The following LRRC4C variants were observed in gnomAD, a reference collection of about 807,000 sequenced individuals.
LRRC4C encodes the protein leucine rich repeat containing 4C.
In LRRC4C, 5 loss-of-function variants were observed where a neutral mutation model predicts 33.6. The ratio of observed to expected loss-of-function variants is 0.15; its 90% CI spans 0.08 to 0.31. LRRC4C has a LOEUF of 0.31. Ranked by LOEUF, LRRC4C falls within the 10% of genes least tolerant of loss-of-function variation. The pLI is 1.00. For synonymous variants in LRRC4C, 329 were observed against 302.0 expected (o/e 1.09, Z -0.93); for missense variants, 560 against 796.7 (o/e 0.70, Z 3.58).
intron 1 of LRRC4C, among the ~76,000 whole-genome samples, chr11:41,242,406 C>T (rs1332561835): frequency 6.6e-6 from 1 of 152,062 alleles, no homozygotes; most frequent in Non-Finnish European, 1.5e-5. Flanking sequence ...TACAGGCATG[C>T]AGTGGGTCAG....
At chr11:41,188,471 GCTTAATCTCTTA>G (rs1423372627) in intron 1 of LRRC4C, among the ~76,000 whole-genome samples, 1 of 151,988 alleles carries the variant, frequency 6.6e-6, no homozygotes, top group African/African-American at 2.4e-5. Context: ...GCCAATCCCA[GCTTAATCTCTTA>G]CTGGCTATGT....
At position 40,396,293 on chromosome 11, in the gene LRRC4C, C is replaced by A. The variant is rs77182317; in HGVS notation, c.-269-76572G>T. On this transcript the variant is annotated intron_variant, in intron 3 of 6. Coordinates refer to ENST00000528697, the MANE Select transcript of LRRC4C (RefSeq NM_001258419.2). ...TCTAGACACCTTGGTTTTAAAATATCTGACTGGTTCAACAGTGCACAGTCA... is the reference window on the plus strand; with the variant it reads ...TCTAGACACCTTGGTTTTAAAATATATGACTGGTTCAACAGTGCACAGTCA... Among the ~76,000 whole-genome samples the A allele has an allele frequency of 8.7e-4, 133 of 152,064 alleles. 6 individuals are homozygous for A. In the East Asian group the frequency reaches 0.025, roughly 29 times the overall value.
chr11:41,091,100 G>A (rs1331025019), intron 1 of LRRC4C, among the ~76,000 whole-genome samples: 1 of 151,990 alleles, frequency 6.6e-6, no homozygotes, highest in Admixed American at 6.6e-5. Flanking sequence ...TTAGACCAGA[G>A]ATGTAATACT....
chr11:40,124,208 A>C (rs945998393), intron 6 of LRRC4C, among the ~76,000 whole-genome samples: 4 of 152,178 alleles, frequency 2.6e-5, no homozygotes, highest in African/African-American at 9.6e-5. Context: ...AACTCTCAAA[A>C]TGTAAATTAG....
intron 4 of LRRC4C, among the ~76,000 whole-genome samples, chr11:40,268,153 A>G (rs1159684270): frequency 6.6e-6 from 1 of 152,186 alleles, no homozygotes; most frequent in African/African-American, 2.4e-5. Flanking sequence ...AGTGTGGTGG[A>G]GTTGTTCTCT....
intron 4 of LRRC4C, among the ~76,000 whole-genome samples, chr11:40,301,083 G>C (rs1944752318): frequency 6.6e-6 from 1 of 152,172 alleles, no homozygotes. Flanking sequence ...GCTTGGGAAG[G>C]AAGGGCATTG....
At chr11:40,673,490 A>T (rs1287167020) in intron 2 of LRRC4C, among the ~76,000 whole-genome samples, 4 of 152,168 alleles carry the variant, frequency 2.6e-5, no homozygotes. Context: ...TAATCCTTTA[A>T]TTTTTTTAAC....
chr11:41,423,045 G>A (rs547139073), intron 1 of LRRC4C, among the ~76,000 whole-genome samples: 84 of 152,194 alleles, frequency 5.5e-4, no homozygotes, highest in Non-Finnish European at 1.0e-3. Flanking sequence ...TACAAATAAT[G>A]ACAACATGTC....
intron 5 of LRRC4C, among the ~76,000 whole-genome samples, chr11:40,165,276 C>A (rs1042426779): frequency 6.6e-6 from 1 of 151,958 alleles, no homozygotes; most frequent in Non-Finnish European, 1.5e-5. Flanking sequence ...GTTTCTATGT[C>A]TCTGTGTATC....
At chr11:41,392,318 A>C (rs2138012512) in intron 1 of LRRC4C, among the ~76,000 whole-genome samples, 1 of 151,954 alleles carries the variant, frequency 6.6e-6, no homozygotes, top group East Asian at 1.9e-4. Flanking sequence ...ACTGTAGATT[A>C]ACTGTTTTTG....
intron 1 of LRRC4C, among the ~76,000 whole-genome samples, chr11:41,106,644 T>A (rs886315297): frequency 5.9e-5 from 9 of 152,104 alleles, no homozygotes; most frequent in African/African-American, 2.2e-4. Flanking sequence ...GCTTCCTTTT[T>A]CATCATCTTT....
chr11:40,900,247 T>C (rs1205354563), intron 2 of LRRC4C, among the ~76,000 whole-genome samples: 1 of 152,134 alleles, frequency 6.6e-6, no homozygotes, highest in African/African-American at 2.4e-5. Context: ...ATGTGGCCAG[T>C]TGGAGCACCT....
At chr11:40,708,060 C>T (rs1946261842) in intron 2 of LRRC4C, among the ~76,000 whole-genome samples, 1 of 151,934 alleles carries the variant, frequency 6.6e-6, no homozygotes, top group South Asian at 2.1e-4. Context: ...TGGTGACATC[C>T]CCTTTATCAT....
At chr11:40,143,477 G>T (rs535624936) in intron 5 of LRRC4C, among the ~76,000 whole-genome samples, 3 of 151,886 alleles carry the variant, frequency 2.0e-5, no homozygotes, top group Non-Finnish European at 2.9e-5. Flanking sequence ...GCTCCTTATT[G>T]TTTCTCCTGC....
At chr11:40,226,603 T>A (rs1864816661) in intron 5 of LRRC4C, among the ~76,000 whole-genome samples, 1 of 152,194 alleles carries the variant, frequency 6.6e-6, no homozygotes, top group Admixed American at 6.5e-5. Flanking sequence ...ATTCCGTAGA[T>A]TAAATCTAGA....
rs1261708215 is a variant in LRRC4C at position 40,913,833 on chromosome 11, C to A, written c.-407+19802G>T. 2.0e-5 allele frequency among the ~76,000 whole-genome samples: 3 copies of A among 152,000 alleles called. No individual in the cohort carries two copies. In the East Asian group the frequency reaches 5.8e-4, roughly 29 times the overall value. On this transcript the variant is annotated intron_variant, in intron 2 of 6. Coordinates refer to ENST00000528697, the MANE Select transcript of LRRC4C (RefSeq NM_001258419.2). ...AATAAAGAAGAAAAGAGAGAAGAAT[C>A]AAATAGACGCAATAAAAAATGATAA... is the stretch of plus-strand genomic sequence containing the variant.
In LRRC4C at chr11:40,470,299, G is replaced by C. The variant is rs573217325; in HGVS notation, c.-269-150578C>G. ...AGACCTGCAGAAGAGGGGCCTGACT[G>C]TTAGAAGGAAAGCTAACAAACAGAA... On this transcript the variant is annotated intron_variant, in intron 3 of 6. Transcript: ENST00000528697. Among the ~76,000 whole-genome samples the C allele has an allele frequency of 2.6e-5, 4 of 152,314 alleles. No individual in the cohort carries two copies. The South Asian group carries it at 8.3e-4, about 32-fold the overall frequency.
At chr11:40,840,587 C>T (rs966244425) in intron 2 of LRRC4C, among the ~76,000 whole-genome samples, 9 of 152,062 alleles carry the variant, frequency 5.9e-5, no homozygotes, top group South Asian at 2.1e-4. Flanking sequence ...AACCTTAATC[C>T]GTTTACCATC....
intron 2 of LRRC4C, among the ~76,000 whole-genome samples, chr11:40,678,910 T>A (rs998623864): frequency 6.6e-6 from 1 of 152,132 alleles, no homozygotes; most frequent in South Asian, 2.1e-4. Context: ...GAAGCAACTT[T>A]GGAACTGGGT....
Sources: allele counts gnomAD v4.1 joint callset (sites outside exome capture counted in the v4.1 genomes callset), GRCh38; gene constraint gnomAD v4.1.1; transcripts MANE v1.5; gene names NCBI Gene and HGNC (gene_info 2026-07-23, HGNC 2026-07-21).